ATP8A2: variants seen among roughly 807,000 people sequenced by gnomAD.
ATP8A2 encodes the protein ATPase phospholipid transporting 8A2, also known as phospholipid-transporting ATPase IB.
A neutral mutation model predicts 165.6 loss-of-function variants in ATP8A2; 100 were observed. The ratio of observed to expected loss-of-function variants is 0.60; its 90% confidence interval spans 0.51 to 0.71. The LOEUF (loss-of-function observed/expected upper bound fraction) is 0.71. ATP8A2 is among the 30% of genes least tolerant of loss of function. The pLI is 0.00. For synonymous variants in ATP8A2, 543 were observed against 548.8 expected, an observed-to-expected ratio of 0.99 and a Z score of 0.15; for missense variants, 1,227 against 1,479.5, an observed-to-expected ratio of 0.83 and a Z score of 2.80.
At chr13:25,525,634 C>G (rs978518535) in intron 2 of ATP8A2, among the ~76,000 whole-genome samples, 2 of 152,076 alleles carry the variant, frequency 1.3e-5, no homozygotes, top group East Asian at 3.9e-4. Context: ...TTGTTCCACT[C>G]CCTTCTGGCC....
Position 25,974,362 on chromosome 13 carries a change from T to TC in ATP8A2, c.3377+5683_3377+5684insC, listed in dbSNP as rs1295675187. On this transcript the variant is annotated intron_variant, in intron 35 of 36. Transcript: ENST00000381655. ...ATGTGAATGCAGCAGGCTCTCCGAGTTGCATCGTCGGGGTGTGCCCCCTAG... is the reference window on the plus strand; with the variant it reads ...ATGTGAATGCAGCAGGCTCTCCGAGTCTGCATCGTCGGGGTGTGCCCCCTAG... Among the ~76,000 whole-genome samples, 102 of 152,236 alleles carry TC rather than the reference T, an allele frequency of 6.7e-4. 1 individual carries two copies. The East Asian group carries it at 0.018, about 27-fold the overall frequency.
At chr13:25,562,083 G>A (rs968101395) in intron 15 of ATP8A2, among the ~76,000 whole-genome samples, 7 of 152,008 alleles carry the variant, frequency 4.6e-5, no homozygotes, top group African/African-American at 1.4e-4. Flanking sequence ...TGTGAACATC[G>A]ACATACAGGT....
At chr13:25,387,703 A>G (rs2033106881) in intron 1 of ATP8A2, among the ~76,000 whole-genome samples, 1 of 152,182 alleles carries the variant, frequency 6.6e-6, no homozygotes, top group Non-Finnish European at 1.5e-5. Context: ...ATAGGTCTTT[A>G]AACTTAAAAG....
intron 6 of ATP8A2, among the ~76,000 whole-genome samples, chr13:25,535,559 A>G (rs576282504): frequency 1.3e-4 from 20 of 152,322 alleles, no homozygotes; most frequent in African/African-American, 4.8e-4. Flanking sequence ...CACACCTGCA[A>G]TCCCAGCACT....
intron 25 of ATP8A2, among the ~76,000 whole-genome samples, chr13:25,714,189 C>A (rs2043209728): frequency 6.6e-6 from 1 of 152,046 alleles, no homozygotes. Flanking sequence ...CTGGTGACCT[C>A]TCAGAATTAA....
At chr13:25,479,644 G>A (rs2036101239) in intron 2 of ATP8A2, among the ~76,000 whole-genome samples, 1 of 151,856 alleles carries the variant, frequency 6.6e-6, no homozygotes, top group Admixed American at 6.6e-5. Context: ...GAGGCCTTCC[G>A]CAGTGTTTGT....
intron 1 of ATP8A2, among the ~76,000 whole-genome samples, chr13:25,379,067 C>T (rs550839634): frequency 6.6e-6 from 1 of 152,176 alleles, no homozygotes; most frequent in African/African-American, 2.4e-5. Context: ...TTCTTTTCTC[C>T]TCTTTTGCAG....
chr13:25,571,564 T>C, intron 17 of ATP8A2, 46 bp from the exon 18 acceptor site: 1 of 1,420,242 alleles, frequency 7.0e-7, no homozygotes. Flanking sequence ...CAGAATTCTG[T>C]CACTACCAGT....
At chr13:25,859,816 A>G (rs192315115) in intron 30 of ATP8A2, among the ~76,000 whole-genome samples, 1 of 152,364 alleles carries the variant, frequency 6.6e-6, no homozygotes, top group Admixed American at 6.5e-5. Flanking sequence ...GTAAAGATGA[A>G]TCATAAAGAA....
At chr13:25,610,810 GT>G (rs1367690593) in intron 24 of ATP8A2, among the ~76,000 whole-genome samples, 1 of 146,598 alleles carries the variant, frequency 6.8e-6, no homozygotes, top group African/African-American at 2.5e-5. Flanking sequence ...TGTTTGTGTT[GT>G]TTATAATTTC....
intron 24 of ATP8A2, among the ~76,000 whole-genome samples, chr13:25,644,815 C>A (rs1289307685): frequency 6.6e-6 from 1 of 152,028 alleles, no homozygotes; most frequent in Non-Finnish European, 1.5e-5. Context: ...TCCACTTATT[C>A]TAGGTTATCC....
At chr13:25,559,649 A>G in intron 14 of ATP8A2, 72 bp from the exon 15 acceptor site, 1 of 1,087,888 alleles carries the variant, frequency 9.2e-7, no homozygotes, top group African/African-American at 1.5e-5. Context: ...TAAGAATTAG[A>G]TCAGTTTTGA....
intron 1 of ATP8A2, among the ~76,000 whole-genome samples, chr13:25,464,407 T>A (rs2035580774): frequency 7.0e-6 from 1 of 143,526 alleles, no homozygotes; most frequent in Non-Finnish European, 1.5e-5. Context: ...CGGAGAGGAC[T>A]GGACCTAGGA....
intron 16 of ATP8A2, among the ~76,000 whole-genome samples, chr13:25,569,475 T>C (rs2138169271): frequency 6.6e-6 from 1 of 152,282 alleles, no homozygotes; most frequent in East Asian, 1.9e-4. Context: ...AAGATATAAA[T>C]CTATCTCAAT....
At chr13:25,403,107 G>T (rs1410519580) in intron 1 of ATP8A2, among the ~76,000 whole-genome samples, 2 of 152,158 alleles carry the variant, frequency 1.3e-5, no homozygotes, top group African/African-American at 4.8e-5. Context: ...CTGCATTGGG[G>T]ATTACATTTC....
intron 25 of ATP8A2, among the ~76,000 whole-genome samples, chr13:25,741,664 A>G (rs113647924): frequency 0.021 from 3,132 of 152,128 alleles, 86 homozygotes; most frequent in East Asian, 0.06. Context: ...GGCATGAGCC[A>G]CCATATCTGG....
intron 24 of ATP8A2, among the ~76,000 whole-genome samples, chr13:25,662,584 G>A (rs2042072750): frequency 6.6e-6 from 1 of 152,170 alleles, no homozygotes; most frequent in South Asian, 2.1e-4. Context: ...AAAGCTGACT[G>A]TAAATGAACA....
chr13:25,538,915 G>T (rs1330913731), intron 7 of ATP8A2, among the ~76,000 whole-genome samples: 4 of 151,922 alleles, frequency 2.6e-5, no homozygotes, highest in African/African-American at 4.8e-5. Context: ...CTGTGGAGGG[G>T]GAAAAAGAAC....
At chr13:25,579,015 T>C (rs1383011232) in intron 21 of ATP8A2, 116 bp downstream of exon 21, 1 of 742,162 alleles carries the variant, frequency 1.3e-6, no homozygotes, top group Middle Eastern at 2.3e-4. Context: ...CCTGTGCCCA[T>C]GGCAGTGACA....
Sources: allele counts gnomAD v4.1 joint callset (sites outside exome capture counted in the v4.1 genomes callset), GRCh38; gene constraint gnomAD v4.1.1; transcripts MANE v1.5; gene names NCBI Gene and HGNC (gene_info 2026-07-23, HGNC 2026-07-21).